HSF2BP: variants seen among roughly 807,000 people sequenced by gnomAD.
The protein encoded by HSF2BP is heat shock transcription factor 2 binding protein, also known as heat shock factor 2-binding protein.
HSF2BP carries 35 observed loss-of-function variants against 35.0 expected under a neutral mutation model. The observed-to-expected ratio is 1.00, with a 90% CI of 0.76 to 1.32. The LOEUF (loss-of-function observed/expected upper bound fraction) is 1.32. Among genes scored for constraint, HSF2BP ranks in the 40% most tolerant of loss-of-function variants. HSF2BP has a pLI of 0.00. For synonymous variants in HSF2BP, 114 were observed against 117.4 expected (o/e 0.97, Z 0.18); for missense variants, 326 against 321.7 (o/e 1.01, Z -0.10).
chr21:43,633,267 C>T lies in HSF2BP; in HGVS notation c.441+5G>A. 1 of 1,611,392 alleles carries T rather than the reference C, an allele frequency of 6.2e-7. No homozygotes were observed. The highest frequency in any genetic ancestry group is 1.1e-5 in the South Asian group (1 of 90,294). On this transcript the variant is annotated splice_donor_5th_base_variant and intron_variant, in intron 5 of 8. Coordinates refer to ENST00000291560, the MANE Select transcript of HSF2BP (RefSeq NM_007031.2). The stretch of plus-strand genomic sequence containing the variant: ...ATATCTGGAGAGCCCACTGACCATA[C>T]TTACTCCTCCCAAAATGGCCTTGAC...
At chr21:43,619,646 G>A (rs1483566868) in intron 6 of HSF2BP, among the ~76,000 whole-genome samples, 1 of 152,236 alleles carries the variant, frequency 6.6e-6, no homozygotes, top group East Asian at 1.9e-4. Context: ...ACTGGAAAAA[G>A]CAGATGGAGG....
intron 5 of HSF2BP, among the ~76,000 whole-genome samples, chr21:43,631,094 C>G (rs2082450280): frequency 1.3e-5 from 2 of 152,160 alleles, no homozygotes; most frequent in Non-Finnish European, 2.9e-5. Flanking sequence ...TAATGCAACT[C>G]TAAAAATTTG....
chr21:43,574,355 T>G (rs952895333), intron 8 of HSF2BP, among the ~76,000 whole-genome samples: 1 of 151,266 alleles, frequency 6.6e-6, no homozygotes, highest in Non-Finnish European at 1.5e-5. Flanking sequence ...CAGCCCTTTT[T>G]CTTTTTCTCT....
intron 6 of HSF2BP, among the ~76,000 whole-genome samples, chr21:43,615,651 GA>G (rs2082260693): frequency 6.6e-6 from 1 of 152,058 alleles, no homozygotes; most frequent in Non-Finnish European, 1.5e-5. Flanking sequence ...TAACTTTATT[GA>G]CAGAACCTTT....
intron 8 of HSF2BP, among the ~76,000 whole-genome samples, chr21:43,588,731 C>G (rs1208737250): frequency 7.2e-5 from 11 of 152,208 alleles, no homozygotes; most frequent in Admixed American, 2.0e-4. Context: ...TCCTCTCCCA[C>G]AGACTGACAC....
At chr21:43,605,428 C>A (rs1470929227) in intron 7 of HSF2BP, among the ~76,000 whole-genome samples, 2 of 145,628 alleles carry the variant, frequency 1.4e-5, no homozygotes, top group East Asian at 4.2e-4. Flanking sequence ...CACACTCCAA[C>A]ACACACACAT....
chr21:43,648,152 T>G (rs2082734480), intron 3 of HSF2BP, among the ~76,000 whole-genome samples: 1 of 151,664 alleles, frequency 6.6e-6, no homozygotes, highest in Non-Finnish European at 1.5e-5. Context: ...TCCCCAAGTG[T>G]TTTTTTTCCC....
intron 7 of HSF2BP, among the ~76,000 whole-genome samples, chr21:43,596,982 T>C (rs2081995867): frequency 6.6e-6 from 1 of 151,206 alleles, no homozygotes; most frequent in African/African-American, 2.4e-5. Context: ...CGACCCTCAA[T>C]CAGAAACCTG....
At chr21:43,653,062 G>C (rs922013729) in intron 3 of HSF2BP, among the ~76,000 whole-genome samples, 4 of 152,110 alleles carry the variant, frequency 2.6e-5, no homozygotes, top group African/African-American at 7.2e-5. Context: ...TTGAACCCAG[G>C]GGGCAGAGGT....
chr21:43,629,636 T>G (rs1460330740), intron 6 of HSF2BP, among the ~76,000 whole-genome samples: 1 of 152,188 alleles, frequency 6.6e-6, no homozygotes, highest in African/African-American at 2.4e-5. Context: ...CATGGATGAC[T>G]TTGAAGGGTT....
intron 7 of HSF2BP, among the ~76,000 whole-genome samples, chr21:43,595,587 G>A (rs951510721): frequency 1.3e-5 from 2 of 151,986 alleles, no homozygotes; most frequent in African/African-American, 4.8e-5. Context: ...GAGCCCAGGA[G>A]GTCGAGGCTG....
chr21:43,641,155 G>A (rs1407173148), intron 4 of HSF2BP, among the ~76,000 whole-genome samples: 1 of 152,052 alleles, frequency 6.6e-6, no homozygotes, highest in African/African-American at 2.4e-5. Context: ...ACCACGCCTG[G>A]CTAATTTTTT....
intron 8 of HSF2BP, among the ~76,000 whole-genome samples, chr21:43,567,727 G>A (rs574337232): frequency 2.2e-4 from 1 of 4,588 alleles, no homozygotes; most frequent in Non-Finnish European, 3.3e-4. Flanking sequence ...ATAATAAACT[G>A]AAAAGTCCTC....
intron 3 of HSF2BP, among the ~76,000 whole-genome samples, chr21:43,650,628 G>A (rs753862946): frequency 1.9e-4 from 28 of 150,718 alleles, no homozygotes; most frequent in Admixed American, 2.0e-4. Context: ...AACAGAGGGT[G>A]ATATCTTACT....
chr21:43,607,490 G>A (rs1379686314), intron 7 of HSF2BP, among the ~76,000 whole-genome samples: 1 of 152,114 alleles, frequency 6.6e-6, no homozygotes, highest in African/African-American at 2.4e-5. Flanking sequence ...TGGACTGGAA[G>A]AATCAATATC....
intron 3 of HSF2BP, among the ~76,000 whole-genome samples, chr21:43,646,880 C>A (rs1234253904): frequency 2.0e-5 from 3 of 152,202 alleles, no homozygotes; most frequent in South Asian, 2.1e-4. Context: ...CGGAACAGAA[C>A]CCTGACCTTG....
chr21:43,630,247 A>G (rs2082437303), intron 6 of HSF2BP, 75 bp downstream of exon 6: 3 of 1,310,178 alleles, frequency 2.3e-6, no homozygotes, highest in Admixed American at 2.6e-5. Flanking sequence ...TGACTCATGT[A>G]TTATTGCAGT....
chr21:43,577,796 T>G lies in HSF2BP; in HGVS notation c.796+14429A>C, dbSNP rs1442404775. Among the ~76,000 whole-genome samples, 5 of 152,372 alleles carry G rather than the reference T, an allele frequency of 3.3e-5. No homozygotes were observed. The East Asian group carries it at 9.6e-4, about 29-fold the overall frequency. ...AGCTGATGACATTCCACCATTGTGA[T>G]CTGTTCCTGCCCCACCCTAACTGAT... On this transcript the variant is annotated intron_variant, in intron 8 of 8. Coordinates refer to ENST00000291560, the MANE Select transcript of HSF2BP (RefSeq NM_007031.2).
In HSF2BP at chr21:43,589,584, G is replaced by A. The variant is rs143959344; in HGVS notation, c.796+2641C>T. Among the ~76,000 whole-genome samples, 590 of 152,160 alleles carry A rather than the reference G, an allele frequency of 3.9e-3. 4 individuals carry two copies. The highest frequency in any genetic ancestry group is 0.013 in the African/African-American group (539 of 41,514). ...ACCTTGAAAGAGAACAAAGTTGGAC[G>A]ACTTATACTACCTGACTTTAAGATT... On this transcript the variant is annotated intron_variant, in intron 8 of 8. Transcript: ENST00000291560.
Sources: allele counts gnomAD v4.1 joint callset (sites outside exome capture counted in the v4.1 genomes callset), GRCh38; gene constraint gnomAD v4.1.1; transcripts MANE v1.5; gene names NCBI Gene and HGNC (gene_info 2026-07-23, HGNC 2026-07-21).